CDK17: variants seen among roughly 807,000 people sequenced by gnomAD.
CDK17 encodes the protein cyclin-dependent kinase 17.
Under a neutral mutation model 77.6 loss-of-function variants are expected in CDK17, and 24 were observed. That is an observed-to-expected ratio of 0.31 (90% confidence interval 0.22 to 0.44). The LOEUF is 0.44. Ranked by LOEUF, CDK17 falls within the 20% of genes least tolerant of loss-of-function variation. The pLI, the probability that CDK17 is intolerant of heterozygous loss-of-function variation, is 1.00. For missense variants in CDK17, 429 were observed against 622.5 expected (o/e 0.69, Z 3.31); for synonymous variants, 203 against 210.4 (o/e 0.96, Z 0.30).
At chr12:96,372,882 T>G (rs1352302177) in intron 1 of CDK17, among the ~76,000 whole-genome samples, 1 of 152,202 alleles carries the variant, frequency 6.6e-6, no homozygotes, top group Admixed American at 6.5e-5. Flanking sequence ...AACAGTAATA[T>G]TTGAATTAAC....
intron 3 of CDK17, among the ~76,000 whole-genome samples, chr12:96,323,005 A>C (rs916100845): frequency 1.3e-5 from 2 of 152,224 alleles, no homozygotes; most frequent in African/African-American, 4.8e-5. Context: ...TTAAAGAAAC[A>C]CATTTGGAAA....
At position 96,316,420 on chromosome 12, in the gene CDK17, G is replaced by A. The variant is rs1041665450; in HGVS notation, c.284-2966C>T. 5.3e-4 allele frequency among the ~76,000 whole-genome samples: 77 copies of A among 146,102 alleles called. 1 individual carries two copies. Among genetic ancestry groups the A allele is most frequent in the South Asian group, 1.1e-3 (5 of 4,386 alleles). ...GCCCAGGCTTGCTTAGGTAAACAAA[G>A]CAGCCACGAAGCTCGAACTGGGTGG... is the stretch of plus-strand genomic sequence containing the variant. On this transcript the variant is annotated intron_variant, in intron 3 of 16. Coordinates refer to ENST00000261211, the MANE Select transcript of CDK17 (RefSeq NM_002595.5).
chr12:96,344,971 TC>T (rs1367725050), intron 1 of CDK17, among the ~76,000 whole-genome samples: 9 of 152,204 alleles, frequency 5.9e-5, no homozygotes, highest in Non-Finnish European at 1.2e-4. Context: ...CCTAATGCTC[TC>T]CCTACCCCTG....
chr12:96,372,142 A>C (rs552837350), intron 1 of CDK17, among the ~76,000 whole-genome samples: 1 of 152,122 alleles, frequency 6.6e-6, no homozygotes, highest in Non-Finnish European at 1.5e-5. Context: ...AAAAACTAAC[A>C]CTATTAAAGC....
intron 3 of CDK17, among the ~76,000 whole-genome samples, chr12:96,316,751 C>T (rs1201852791): frequency 1.6e-5 from 2 of 126,934 alleles, no homozygotes; most frequent in Non-Finnish European, 3.3e-5. Context: ...AGGGTCCTGT[C>T]TGTTAGAAGG....
At chr12:96,312,827 T>C (rs1426192438) in intron 4 of CDK17, among the ~76,000 whole-genome samples, 1 of 152,126 alleles carries the variant, frequency 6.6e-6, no homozygotes. Context: ...GATCAGTAGG[T>C]ACAGTGAACC....
At chr12:96,302,362 C>T (rs1952519192) in intron 5 of CDK17, among the ~76,000 whole-genome samples, 1 of 151,926 alleles carries the variant, frequency 6.6e-6, no homozygotes. Context: ...AAATACTTTA[C>T]TCCATAAAAA....
chr12:96,362,071 A>G (rs1416012170), intron 1 of CDK17, among the ~76,000 whole-genome samples: 1 of 152,214 alleles, frequency 6.6e-6, no homozygotes, highest in Non-Finnish European at 1.5e-5. Context: ...CATTTCACCA[A>G]ATCTATAGAA....
intron 10 of CDK17, among the ~76,000 whole-genome samples, chr12:96,293,429 T>C (rs1179104224): frequency 6.6e-6 from 1 of 152,166 alleles, no homozygotes; most frequent in East Asian, 1.9e-4. Context: ...TATCACAATA[T>C]GTATCAAAAT....
At chr12:96,374,442 T>C (rs1468812819) in intron 1 of CDK17, among the ~76,000 whole-genome samples, 7 of 152,218 alleles carry the variant, frequency 4.6e-5, no homozygotes, top group Admixed American at 2.6e-4. Flanking sequence ...TCTCCAGAGA[T>C]ACACAGTGAG....
At chr12:96,365,390 G>A (rs1406080693) in intron 1 of CDK17, among the ~76,000 whole-genome samples, 1 of 152,078 alleles carries the variant, frequency 6.6e-6, no homozygotes. Flanking sequence ...GAAAACAAAA[G>A]CTCAAAACTT....
rs756594307 is a variant in CDK17, at chr12:96,313,335, G to A, written c.403C>T (p.Arg135Trp). Residue 135 changes from arginine (R) to tryptophan (W), a missense_variant, in exon 4 of 17, where the codon CGG (arginine) becomes TGG (tryptophan). Coordinates refer to ENST00000261211, the MANE Select transcript of CDK17 (RefSeq NM_002595.5). Reference protein sequence around the residue: ...GVCLRNRIHRRISMEDLNKRL... With the variant: ...GVCLRNRIHRWISMEDLNKRL... Reference sequence around the variant, plus strand: ...TAAATGATTACCTCCATTGAGATCCGTCTATGTATACGATTTCTGAGACAA... The same window carrying A: ...TAAATGATTACCTCCATTGAGATCCATCTATGTATACGATTTCTGAGACAA... 46 of 1,586,260 alleles carry A rather than the reference G, an allele frequency of 2.9e-5. No homozygotes were observed. Among genetic ancestry groups the A allele is most frequent in the East Asian group, 7.0e-5 (3 of 42,828 alleles).
chr12:96,305,209 C>A (rs536902484), intron 5 of CDK17, among the ~76,000 whole-genome samples: 3 of 152,274 alleles, frequency 2.0e-5, no homozygotes, highest in Non-Finnish European at 4.4e-5. Context: ...CTAAATAGCA[C>A]GTCACCATCC....
At chr12:96,386,574 C>G (rs979203873) in intron 1 of CDK17, among the ~76,000 whole-genome samples, 1 of 152,096 alleles carries the variant, frequency 6.6e-6, no homozygotes, top group African/African-American at 2.4e-5. Context: ...GGGAGGATCT[C>G]TCGAGTCCAT....
chr12:96,373,353 G>C (rs1015749301), intron 1 of CDK17, among the ~76,000 whole-genome samples: 1 of 152,150 alleles, frequency 6.6e-6, no homozygotes, highest in South Asian at 2.1e-4. Flanking sequence ...AGCACTTTGG[G>C]AGGCCTAGGC....
chr12:96,311,504 C>T (rs977531889), intron 4 of CDK17, among the ~76,000 whole-genome samples: 4 of 147,616 alleles, frequency 2.7e-5, no homozygotes, highest in African/African-American at 1.0e-4. Context: ...ACTCTGTGAT[C>T]AGTTTAAATA....
chr12:96,300,469 T>G, intron 5 of CDK17, 109 bp from the exon 6 acceptor site: 1 of 641,660 alleles, frequency 1.6e-6, no homozygotes, highest in East Asian at 3.0e-5. Flanking sequence ...CAATCTTGGC[T>G]TACTGCAACC....
chr12:96,395,301 C>A (rs749485999), intron 1 of CDK17, among the ~76,000 whole-genome samples: 45 of 152,288 alleles, frequency 3.0e-4, no homozygotes, highest in African/African-American at 1.1e-3. Flanking sequence ...TACTTTAAAT[C>A]GCATTTTGAT....
intron 5 of CDK17, among the ~76,000 whole-genome samples, chr12:96,308,747 A>AATAATAATAATG (rs1952609912): frequency 6.8e-6 from 1 of 147,374 alleles, no homozygotes; most frequent in South Asian, 2.1e-4. Flanking sequence ...TAATAATAAT[A>AATAATAATAATG]ATAATAATAA....
Sources: allele counts gnomAD v4.1 joint callset (sites outside exome capture counted in the v4.1 genomes callset), GRCh38; gene constraint gnomAD v4.1.1; transcripts MANE v1.5; gene names NCBI Gene and HGNC (gene_info 2026-07-23, HGNC 2026-07-21).